Variants in PDE8B observed in about 807,000 individuals in gnomAD.
The protein encoded by PDE8B is phosphodiesterase 8B.
Under a neutral mutation model 101.3 loss-of-function variants are expected in PDE8B, and 26 were observed. That is an observed-to-expected ratio of 0.26 (90% CI 0.19 to 0.36). The LOEUF (loss-of-function observed/expected upper bound fraction) is 0.36, where lower values mean the gene tolerates loss of function less well. PDE8B is among the 10% of genes least tolerant of loss of function. The pLI, the probability that PDE8B is intolerant of heterozygous loss-of-function variation, is 1.00. For synonymous variants in PDE8B, 424 were observed against 429.3 expected (o/e 0.99, Z 0.15); for missense variants, 810 against 1,163.1 (o/e 0.70, Z 4.42).
At chr5:77,089,745 T>G in the PDE8B span, among the ~76,000 whole-genome samples, 697 of 152,292 alleles carry the variant, frequency 4.6e-3, 7 homozygotes, top group African/African-American at 0.015. Flanking sequence ...TGGCGGCTTC[T>G]CAGAAAACTA....
chr5:77,277,799 G>A (rs1377909665), intron 1 of PDE8B, among the ~76,000 whole-genome samples: 1 of 152,132 alleles, frequency 6.6e-6, no homozygotes, highest in Non-Finnish European at 1.5e-5. Flanking sequence ...TTCCCAGTGA[G>A]CAAATTTTTC....
intron 20 of PDE8B, among the ~76,000 whole-genome samples, chr5:77,424,854 C>T (rs866039851): frequency 6.8e-6 from 1 of 146,948 alleles, no homozygotes; most frequent in Non-Finnish European, 1.5e-5. Flanking sequence ...GAGACAAGAT[C>T]TCACTCTGTA....
intron 19 of PDE8B, among the ~76,000 whole-genome samples, chr5:77,420,549 G>C (rs1011492620): frequency 2.0e-5 from 3 of 152,088 alleles, no homozygotes; most frequent in Non-Finnish European, 4.4e-5. Flanking sequence ...GCAGAGGTTG[G>C]CAAACTGGAT....
In PDE8B at chr5:77,426,477, T is replaced by C. The variant is rs143985725; in HGVS notation, c.2581T>C (p.Leu861=). The change falls in exon 22 of 22, where the codon TTG becomes CTG. Residue 861 remains leucine, a synonymous_variant. Transcript: ENST00000264917. Reference sequence around the variant, plus strand: ...ACATCTGCCAGCCCTGATGCAACATTTGGCTGACAACTACAAACACTGGAA... The same window carrying C: ...ACATCTGCCAGCCCTGATGCAACATCTGGCTGACAACTACAAACACTGGAA... ...FAHLPALMQH[L]ADNYKHWKTL... The C allele has an allele frequency of 6.6e-5, 106 of 1,613,424 alleles. No individual in the cohort carries two copies. The highest frequency in any genetic ancestry group is 8.6e-5 in the Non-Finnish European group (102 of 1,179,532).
chr5:77,210,558 C>G, upstream of PDE8B: 1 of 909,440 alleles, frequency 1.1e-6, no homozygotes, highest in Non-Finnish European at 1.3e-6. The surrounding 1 kb of genome is among the most constrained non-coding windows in gnomAD (Gnocchi z 4.9). Context: ...GGGAGCCCGG[C>G]GAGGTCGAGC....
intron 10 of PDE8B, among the ~76,000 whole-genome samples, chr5:77,377,999 CCT>C (rs144095623): frequency 7.6e-6 from 1 of 131,358 alleles, no homozygotes; most frequent in Non-Finnish European, 1.6e-5. Context: ...TCGCTCTCTC[CCT>C]CTCTCTCTAC....
the PDE8B span, among the ~76,000 whole-genome samples, chr5:77,172,830 A>G: frequency 6.6e-6 from 1 of 152,204 alleles, no homozygotes; most frequent in Non-Finnish European, 1.5e-5. Flanking sequence ...TAAGTTGAGC[A>G]TGGAAGGACT....
the PDE8B span, among the ~76,000 whole-genome samples, chr5:77,160,454 A>G: frequency 6.6e-6 from 1 of 152,164 alleles, no homozygotes; most frequent in African/African-American, 2.4e-5. Context: ...ATCCACGTGT[A>G]AGTGGAACTG....
At position 77,426,910 on chromosome 5, in the gene PDE8B, A is replaced by G. The variant is rs528422919; in HGVS notation, c.*356A>G. The G allele has an allele frequency of 3.1e-6, 1 of 320,572 alleles. No individual in the cohort carries two copies. Among genetic ancestry groups the G allele is most frequent in the South Asian group, 3.0e-5 (1 of 33,408 alleles). 19.9% of individuals were successfully genotyped at this position (320,572 alleles called of 1,614,324 possible). A position where few individuals can be genotyped will look rare whatever the true frequency, so the allele number is the denominator to read the frequency against. On this transcript the variant is annotated 3_prime_UTR_variant, in exon 22 of 22. Coordinates refer to ENST00000264917, the MANE Select transcript of PDE8B (RefSeq NM_003719.5). Reference sequence around the variant, plus strand: ...GAGCTCATCTCCCAGGATGGTGACTAAGTAGCTTAGCTAGTGATCAGCTCA... The same window carrying G: ...GAGCTCATCTCCCAGGATGGTGACTGAGTAGCTTAGCTAGTGATCAGCTCA...
intron 1 of PDE8B, among the ~76,000 whole-genome samples, chr5:77,301,995 C>G (rs1483935069): frequency 2.0e-5 from 3 of 152,106 alleles, no homozygotes; most frequent in South Asian, 2.1e-4. Flanking sequence ...GGATTATATT[C>G]TAGACCATTT....
At chr5:77,153,274 A>G in the PDE8B span, among the ~76,000 whole-genome samples, 1 of 152,230 alleles carries the variant, frequency 6.6e-6, no homozygotes, top group African/African-American at 2.4e-5. Flanking sequence ...ATTTAAAAAA[A>G]GGGTTATTTT....
chr5:77,323,851 C>T (rs1775542411), intron 2 of PDE8B, among the ~76,000 whole-genome samples: 2 of 151,954 alleles, frequency 1.3e-5, no homozygotes, highest in African/African-American at 2.4e-5. Context: ...CCCAGCTACT[C>T]GGGAGGCTGA....
At chr5:77,235,823 C>A (rs2061909) in intron 1 of PDE8B, among the ~76,000 whole-genome samples, 75,765 of 148,430 alleles carry the variant, frequency 0.51, 20,484 homozygotes, top group East Asian at 0.83. Flanking sequence ...GAAAAAAAAA[C>A]AAAACTAAAA....
At chr5:77,274,373 G>T (rs1045799737) in intron 1 of PDE8B, among the ~76,000 whole-genome samples, 4 of 152,148 alleles carry the variant, frequency 2.6e-5, no homozygotes, top group Non-Finnish European at 5.9e-5. Context: ...TGATTCCAAA[G>T]CTTTCCACTG....
At chr5:77,349,632 C>A in intron 8 of PDE8B, 73 bp downstream of exon 8, 1 of 1,507,392 alleles carries the variant, frequency 6.6e-7, no homozygotes, top group South Asian at 1.1e-5. Flanking sequence ...TTTAGAATTT[C>A]ATCCTTAAGA....
At chr5:77,156,635 C>G in the PDE8B span, among the ~76,000 whole-genome samples, 1 of 152,146 alleles carries the variant, frequency 6.6e-6, no homozygotes, top group African/African-American at 2.4e-5. Flanking sequence ...ACAGAGAGAT[C>G]ACAGCCCAGT....
chr5:77,207,035 C>T (rs1399310948), upstream of PDE8B, among the ~76,000 whole-genome samples: 8 of 152,140 alleles, frequency 5.3e-5, no homozygotes, highest in East Asian at 1.9e-4. Flanking sequence ...CAGATTCACT[C>T]GTCTAACCCT....
intron 1 of PDE8B, among the ~76,000 whole-genome samples, chr5:77,241,248 C>A (rs566841680): frequency 1.2e-4 from 18 of 152,158 alleles, no homozygotes; most frequent in Non-Finnish European, 2.4e-4. Flanking sequence ...TCATTATAGT[C>A]AAATATGTAT....
chr5:77,106,795 T>A, the PDE8B span, among the ~76,000 whole-genome samples: 1 of 152,164 alleles, frequency 6.6e-6, no homozygotes, highest in Non-Finnish European at 1.5e-5. Context: ...TAGTTTTCAG[T>A]GTACAGATCT....
Sources: allele counts gnomAD v4.1 joint callset (sites outside exome capture counted in the v4.1 genomes callset), GRCh38; gene constraint gnomAD v4.1.1; non-coding constraint Gnocchi (gnomAD v3.1); transcripts MANE v1.5; gene names NCBI Gene and HGNC (gene_info 2026-07-23, HGNC 2026-07-21).